Variants in CHEK2 observed in about 807,000 individuals in gnomAD.
CHEK2 encodes the protein serine/threonine-protein kinase Chk2.
CHEK2 carries 71 observed loss-of-function variants against 69.1 expected under a neutral mutation model. The observed-to-expected ratio is 1.03, with a 90% CI of 0.85 to 1.25. CHEK2 has a LOEUF of 1.25. Among genes scored for constraint, CHEK2 ranks in the 50% most tolerant of loss-of-function variants. The pLI is 0.00. For missense variants in CHEK2, 664 were observed against 649.6 expected (o/e 1.02, Z -0.24); for synonymous variants, 189 against 226.9 (o/e 0.83, Z 1.50).
chr22:28,719,471 CAAA>C lies in CHEK2; in HGVS notation c.604_606del (p.Phe202del), dbSNP rs886039609. 1 of 1,580,966 alleles carries C rather than the reference CAAA, an allele frequency of 6.3e-7. No individual in the cohort carries two copies. Among genetic ancestry groups the C allele is most frequent in the Non-Finnish European group, 8.6e-7 (1 of 1,157,846 alleles). The stretch of plus-strand genomic sequence containing the variant: ...ACTGACTGATCATCTACAGTCAGAT[CAAA>C]AAAGACAAAAACTAAGGAAGAAAAG... On this transcript the variant is annotated inframe_deletion, in exon 5 of 15. Coordinates refer to ENST00000404276, the MANE Select transcript of CHEK2 (RefSeq NM_007194.4).
Position 28,712,012 on chromosome 22 carries a change from G to A in CHEK2, c.689C>T (p.Ala230Val), listed in dbSNP as rs730881685. 6.2e-7 allele frequency: 1 copy of A among 1,611,416 alleles called. No individual in the cohort carries two copies. Among genetic ancestry groups the A allele is most frequent in the Non-Finnish European group, 8.5e-7 (1 of 1,177,734 alleles). The stretch of plus-strand genomic sequence containing the variant: ...GAAAGCCAGCTTTACCTCTCCACAG[G>A]CACCACTAGAGGGAAAAACAAAGAT... ...YIMSKTLGSG[A>V]CGEVKLAFER... is the part of the protein sequence containing the mutation. Residue 230 changes from alanine to valine, a missense_variant, in exon 6 of 15, where the codon GCC (alanine) becomes GTC (valine). Physicochemically the swap from Ala to Val is moderately conservative, Grantham distance 64. Coordinates refer to ENST00000404276, the MANE Select transcript of CHEK2 (RefSeq NM_007194.4).
intron 6 of CHEK2, among the ~76,000 whole-genome samples, chr22:28,710,778 AG>A (rs1291859778): frequency 6.6e-5 from 10 of 152,246 alleles, no homozygotes; most frequent in African/African-American, 2.4e-4. Flanking sequence ...TAATTTTAAG[AG>A]CCTGCCTCTT....
chr22:28,727,649 A>G (rs2054059114), intron 2 of CHEK2, among the ~76,000 whole-genome samples: 1 of 152,240 alleles, frequency 6.6e-6, no homozygotes, highest in Non-Finnish European at 1.5e-5. Context: ...TTAGGTTCCT[A>G]TAAATCAGTG....
intron 7 of CHEK2, among the ~76,000 whole-genome samples, chr22:28,706,298 TCACACACACA>T (rs113795955): frequency 1.6e-4 from 23 of 147,972 alleles, no homozygotes; most frequent in Middle Eastern, 3.5e-3. Flanking sequence ...ACACTCCAGC[TCACACACACA>T]CACACACACA....
At chr22:28,714,687 G>A (rs372934539) in intron 5 of CHEK2, among the ~76,000 whole-genome samples, 1 of 152,054 alleles carries the variant, frequency 6.6e-6, no homozygotes, top group Non-Finnish European at 1.5e-5. Flanking sequence ...TGCTTTTGGT[G>A]TCTTATGTAA....
chr22:28,703,253 T>G (rs1422997127), intron 8 of CHEK2, among the ~76,000 whole-genome samples: 1 of 152,168 alleles, frequency 6.6e-6, no homozygotes, highest in Non-Finnish European at 1.5e-5. Flanking sequence ...GGTCAGCTAG[T>G]CAACTGCAGA....
At chr22:28,732,624 A>G (rs1028052508) in intron 2 of CHEK2, among the ~76,000 whole-genome samples, 8 of 152,130 alleles carry the variant, frequency 5.3e-5, no homozygotes, top group African/African-American at 1.7e-4. Flanking sequence ...TGTGGAATGC[A>G]GGTATATTCC....
At chr22:28,718,332 A>G (rs1053445864) in intron 5 of CHEK2, among the ~76,000 whole-genome samples, 5 of 152,228 alleles carry the variant, frequency 3.3e-5, no homozygotes, top group Non-Finnish European at 4.4e-5. Flanking sequence ...TTGGTGGGAA[A>G]GTAAATTAGT....
At chr22:28,730,856 CAATA>C (rs112434149) in intron 2 of CHEK2, among the ~76,000 whole-genome samples, 1 of 151,798 alleles carries the variant, frequency 6.6e-6, no homozygotes, top group African/African-American at 2.4e-5. Context: ...GGCTCCGTCT[CAATA>C]AATAAATAAA....
intron 5 of CHEK2, among the ~76,000 whole-genome samples, chr22:28,718,405 A>C (rs1243250793): frequency 6.6e-6 from 1 of 152,150 alleles, no homozygotes; most frequent in South Asian, 2.1e-4. Context: ...TTACCATATG[A>C]TCCAGCAATC....
Position 28,725,286 on chromosome 22 carries a change from T to A in CHEK2, c.401A>T (p.Asp134Val), listed in dbSNP as rs1404473412. The A allele has an allele frequency of 6.2e-7, 1 of 1,614,150 alleles. No individual in the cohort carries two copies. Among genetic ancestry groups the A allele is most frequent in the Admixed American group, 1.7e-5 (1 of 60,010 alleles). Reference protein sequence around the residue: ...CFDEPLLKRTDKYRTYSKKHF... With the variant: ...CFDEPLLKRTVKYRTYSKKHF... ...TTTCTTGCTGTATGTTCGGTATTTATCTGTTCTTTTCAGCAGTGGTTCATC... is the reference window on the plus strand; with the variant it reads ...TTTCTTGCTGTATGTTCGGTATTTAACTGTTCTTTTCAGCAGTGGTTCATC... The change falls in exon 3 of 15, where the codon GAT becomes GTT. Residue 134 changes from aspartate to valine, a missense_variant. Coordinates refer to ENST00000404276, the MANE Select transcript of CHEK2 (RefSeq NM_007194.4).
rs774973319 is a variant in CHEK2 at position 28,703,495 on chromosome 22, T to C, written c.908+10A>G. ...TGGAAACAGAAATTTTTAAAAAGTTTACTACTTACAATTCCAAAACAATAT... is the reference window on the plus strand; with the variant it reads ...TGGAAACAGAAATTTTTAAAAAGTTCACTACTTACAATTCCAAAACAATAT... On this transcript the variant is annotated intron_variant, in intron 8 of 14. Coordinates refer to ENST00000404276, the MANE Select transcript of CHEK2 (RefSeq NM_007194.4). 37 of 1,309,170 alleles carry C rather than the reference T, an allele frequency of 2.8e-5. No individual in the cohort carries two copies. The highest frequency in any genetic ancestry group is 4.0e-5 in the Non-Finnish European group (37 of 917,344). 81.1% of individuals were successfully genotyped at this position (1,309,170 alleles called of 1,614,324 possible).
At chr22:28,694,607 T>G (rs553648591) in intron 12 of CHEK2, among the ~76,000 whole-genome samples, 1 of 152,346 alleles carries the variant, frequency 6.6e-6, no homozygotes, top group South Asian at 2.1e-4. Context: ...TTAAATATTC[T>G]GACATTTAAC....
At chr22:28,706,864 C>T (rs1216936735) in intron 7 of CHEK2, among the ~76,000 whole-genome samples, 1 of 152,030 alleles carries the variant, frequency 6.6e-6, no homozygotes, top group African/African-American at 2.4e-5. Context: ...TGCAGTAAGC[C>T]GAGATCATGC....
intron 2 of CHEK2, 49 bp from the exon 3 acceptor site, chr22:28,725,416 A>G: frequency 6.2e-7 from 1 of 1,612,184 alleles, no homozygotes; most frequent in Non-Finnish European, 8.5e-7. Context: ...TCATGTATCA[A>G]ACGTTTAAAA....
At chr22:28,688,411 G>A (rs1004527542) in intron 14 of CHEK2, among the ~76,000 whole-genome samples, 1 of 152,252 alleles carries the variant, frequency 6.6e-6, no homozygotes, top group Non-Finnish European at 1.5e-5. Context: ...ACTCACAGCT[G>A]TAATCCCAGC....
At chr22:28,728,885 G>C (rs1417104260) in intron 2 of CHEK2, among the ~76,000 whole-genome samples, 1 of 152,258 alleles carries the variant, frequency 6.6e-6, no homozygotes, top group East Asian at 1.9e-4. Flanking sequence ...TCAGGAGGCT[G>C]AGGTAGGAGT....
intron 8 of CHEK2, among the ~76,000 whole-genome samples, chr22:28,700,641 T>C (rs1427232873): frequency 1.3e-5 from 2 of 152,154 alleles, no homozygotes; most frequent in Non-Finnish European, 2.9e-5. Flanking sequence ...CTTTTGGACT[T>C]TGGGAAAGCT....
chr22:28,735,474 T>C lies in CHEK2; in HGVS notation c.-6-747A>G, dbSNP rs115310159. ...TCTATTTAACAATGTTTAGACTTTC[T>C]GTGAAAGCAATCAGTAGACACTTAC... On this transcript the variant is annotated intron_variant, in intron 1 of 14. Transcript: ENST00000404276. 1.6e-3 allele frequency among the ~76,000 whole-genome samples: 244 copies of C among 152,300 alleles called. 1 individual carries two copies. Among genetic ancestry groups the C allele is most frequent in the African/African-American group, 5.7e-3 (239 of 41,568 alleles).
Sources: allele counts gnomAD v4.1 joint callset (sites outside exome capture counted in the v4.1 genomes callset), GRCh38; gene constraint gnomAD v4.1.1; transcripts MANE v1.5; gene names NCBI Gene and HGNC (gene_info 2026-07-23, HGNC 2026-07-21).